Variants in SEC63 observed in about 807,000 individuals in gnomAD.
SEC63 encodes SEC63 protein translocation regulator, also known as translocation protein SEC63 homolog.
A neutral mutation model predicts 116.2 loss-of-function variants in SEC63; 56 were observed. That is an observed-to-expected ratio of 0.48 (90% CI 0.39 to 0.60). The LOEUF is 0.60. Ranked by LOEUF, SEC63 falls within the 20% of genes least tolerant of loss-of-function variation. SEC63 has a pLI of 0.00. For missense variants in SEC63, 668 were observed against 900.0 expected, an observed-to-expected ratio of 0.74 and a Z score of 3.30; for synonymous variants, 273 against 294.6, an observed-to-expected ratio of 0.93 and a Z score of 0.75.
chr6:107,946,916 A>G (rs550561128), intron 1 of SEC63, among the ~76,000 whole-genome samples: 1 of 152,320 alleles, frequency 6.6e-6, no homozygotes, highest in African/African-American at 2.4e-5. Context: ...AGGCAGGAGA[A>G]TCACTTGAAC....
chr6:107,937,998 A>G (rs957684382), intron 1 of SEC63, among the ~76,000 whole-genome samples: 1 of 151,998 alleles, frequency 6.6e-6, no homozygotes, highest in Non-Finnish European at 1.5e-5. Context: ...TACTCTGTTG[A>G]TAGTTTCTTT....
At chr6:107,895,951 G>A (rs1321111329) in intron 14 of SEC63, among the ~76,000 whole-genome samples, 2 of 151,932 alleles carry the variant, frequency 1.3e-5, no homozygotes, top group East Asian at 1.9e-4. Context: ...TATCACTTGA[G>A]GACAGGCATT....
intron 4 of SEC63, among the ~76,000 whole-genome samples, chr6:107,919,942 G>A (rs372134671): frequency 7.4e-4 from 113 of 152,078 alleles, no homozygotes; most frequent in Non-Finnish European, 1.2e-3. Flanking sequence ...TTTAATTGTC[G>A]TCTTATTTTA....
At chr6:107,939,768 T>A (rs941879049) in intron 1 of SEC63, among the ~76,000 whole-genome samples, 129 of 150,878 alleles carry the variant, frequency 8.5e-4, no homozygotes, top group African/African-American at 2.1e-3. Context: ...AAAAATAATT[T>A]AAAAAAAAAA....
At chr6:107,883,713 G>A (rs1404840859) in intron 16 of SEC63, among the ~76,000 whole-genome samples, 1 of 151,256 alleles carries the variant, frequency 6.6e-6, no homozygotes, top group African/African-American at 2.4e-5. Context: ...AGGTTGAGGT[G>A]GGAGAATCAT....
chr6:107,896,936 C>T (rs113978454), intron 14 of SEC63, among the ~76,000 whole-genome samples: 1 of 150,600 alleles, frequency 6.6e-6, no homozygotes, highest in African/African-American at 2.4e-5. Context: ...GCCAAGATCA[C>T]GCCATTGCAC....
At chr6:107,915,461 C>T (rs929885910) in intron 4 of SEC63, among the ~76,000 whole-genome samples, 2 of 151,994 alleles carry the variant, frequency 1.3e-5, no homozygotes, top group African/African-American at 4.8e-5. Flanking sequence ...CTGTAAAAAC[C>T]ATATGCTTTT....
At chr6:107,924,980 G>A (rs1016618503) in intron 2 of SEC63, 48 bp from the exon 3 acceptor site, 2 of 1,053,640 alleles carry the variant, frequency 1.9e-6, no homozygotes, top group Non-Finnish European at 3.0e-6. Flanking sequence ...CATCTGCATA[G>A]AGTCTAAAGA....
At chr6:107,915,463 T>C (rs1208312155) in intron 4 of SEC63, among the ~76,000 whole-genome samples, 6 of 152,226 alleles carry the variant, frequency 3.9e-5, no homozygotes, top group Admixed American at 6.5e-5. Context: ...GTAAAAACCA[T>C]ATGCTTTTAT....
chr6:107,933,867 C>G (rs866916473), intron 1 of SEC63, among the ~76,000 whole-genome samples: 1 of 152,182 alleles, frequency 6.6e-6, no homozygotes, highest in African/African-American at 2.4e-5. Flanking sequence ...ATTGCAGGCG[C>G]GCGCCGCCAC....
At chr6:107,900,881 T>C (rs1219332419) in intron 13 of SEC63, among the ~76,000 whole-genome samples, 1 of 152,210 alleles carries the variant, frequency 6.6e-6, no homozygotes, top group Non-Finnish European at 1.5e-5. Context: ...AAATAGCCTT[T>C]ATTTTTTTCC....
intron 4 of SEC63, among the ~76,000 whole-genome samples, chr6:107,919,304 T>A (rs1208259830): frequency 6.6e-6 from 1 of 152,166 alleles, no homozygotes; most frequent in East Asian, 1.9e-4. Flanking sequence ...GCAGGAGAAC[T>A]AAACAAGTGG....
intron 16 of SEC63, among the ~76,000 whole-genome samples, chr6:107,890,686 T>A (rs1276094780): frequency 6.6e-6 from 1 of 152,214 alleles, no homozygotes. Context: ...CAATTTGGTA[T>A]GTTTTTGCAG....
chr6:107,932,451 G>A (rs1386478333), intron 1 of SEC63, among the ~76,000 whole-genome samples: 1 of 152,160 alleles, frequency 6.6e-6, no homozygotes, highest in African/African-American at 2.4e-5. Context: ...GGACTACCCA[G>A]CAAGAAGTAC....
intron 16 of SEC63, among the ~76,000 whole-genome samples, chr6:107,888,335 T>C (rs1786586966): frequency 1.3e-5 from 2 of 152,154 alleles, no homozygotes; most frequent in Admixed American, 6.6e-5. Context: ...TTCCTGGGTG[T>C]TTTATTCTCT....
intron 20 of SEC63, 147 bp downstream of exon 20, chr6:107,872,661 A>C: frequency 1.7e-6 from 1 of 598,190 alleles, no homozygotes; most frequent in Non-Finnish European, 3.0e-6. Context: ...TTATTGAAAG[A>C]GTAGTCCATC....
intron 19 of SEC63, among the ~76,000 whole-genome samples, chr6:107,873,420 T>C (rs1786180377): frequency 6.6e-6 from 1 of 152,172 alleles, no homozygotes; most frequent in African/African-American, 2.4e-5. Context: ...CTATTCCACT[T>C]GGACAAAAGA....
intron 4 of SEC63, among the ~76,000 whole-genome samples, 192 bp downstream of exon 4, chr6:107,921,605 C>T (rs1787557466): frequency 1.3e-5 from 2 of 152,152 alleles, no homozygotes; most frequent in Middle Eastern, 3.4e-3. Flanking sequence ...GCACACACCA[C>T]CACACAGGGT....
intron 1 of SEC63, among the ~76,000 whole-genome samples, chr6:107,947,447 C>T (rs192714320): frequency 2.0e-5 from 3 of 152,130 alleles, no homozygotes; most frequent in Non-Finnish European, 4.4e-5. Context: ...ACGGTGTGCA[C>T]GTGCAGTTCT....
Sources: allele counts gnomAD v4.1 joint callset (sites outside exome capture counted in the v4.1 genomes callset), GRCh38; gene constraint gnomAD v4.1.1; transcripts MANE v1.5; gene names NCBI Gene and HGNC (gene_info 2026-07-23, HGNC 2026-07-21).